The following PVT1 variants were observed in gnomAD, a reference collection of about 807,000 sequenced individuals.
The protein encoded by PVT1 is Pvt1 oncogene.
intron 4 of PVT1, among the ~76,000 whole-genome samples, chr8:127,997,044 G>GGTTTTT (rs1554603119): frequency 3.7e-5 from 3 of 81,594 alleles, no homozygotes; most frequent in African/African-American, 1.0e-4. Flanking sequence ...ATTTGCTTTC[G>GGTTTTT]TTTTTTTTTT....
At chr8:127,994,103 T>G (rs1231754601) in intron 4 of PVT1, among the ~76,000 whole-genome samples, 1 of 152,206 alleles carries the variant, frequency 6.6e-6, no homozygotes, top group Non-Finnish European at 1.5e-5. Context: ...GCACATTCTC[T>G]GTACTCTCTT....
intron 3 of PVT1, among the ~76,000 whole-genome samples, chr8:127,918,315 G>A (rs985100032): frequency 1.3e-5 from 2 of 152,206 alleles, no homozygotes; most frequent in African/African-American, 4.8e-5. Context: ...GCACAGCCAG[G>A]GAAAGAGTGT....
At chr8:127,852,760 T>C (rs28620489) in intron 2 of PVT1, among the ~76,000 whole-genome samples, 12,038 of 152,114 alleles carry the variant, frequency 0.079, 1,452 homozygotes, top group African/African-American at 0.26. Context: ...CTCCTCCCTC[T>C]CCATCCACAC....
intron 2 of PVT1, among the ~76,000 whole-genome samples, chr8:127,839,844 G>A (rs917831773): frequency 6.6e-6 from 1 of 152,184 alleles, no homozygotes; most frequent in Admixed American, 6.5e-5. Flanking sequence ...ATTGGCTGCA[G>A]TGTGGGGTAC....
chr8:127,845,802 G>A (rs1224316410), intron 2 of PVT1, among the ~76,000 whole-genome samples: 1 of 152,184 alleles, frequency 6.6e-6, no homozygotes, highest in Admixed American at 6.5e-5. Flanking sequence ...CCCATCCACA[G>A]CCTCCAGGCC....
intron 2 of PVT1, among the ~76,000 whole-genome samples, chr8:127,856,498 C>T (rs541429456): frequency 5.9e-5 from 9 of 152,140 alleles, no homozygotes; most frequent in African/African-American, 1.7e-4. Context: ...CCTGCCACCA[C>T]GCCCAGCTAA....
At chr8:127,852,346 G>T (rs532791504) in intron 2 of PVT1, 36 of 152,384 alleles carry the variant, frequency 2.4e-4, no homozygotes, top group African/African-American at 8.7e-4. Context: ...TCCTTGTCAT[G>T]AGTAAGCTTA....
intron 2 of PVT1, among the ~76,000 whole-genome samples, chr8:127,838,740 A>G (rs1176759223): frequency 6.6e-6 from 1 of 152,152 alleles, no homozygotes; most frequent in African/African-American, 2.4e-5. Context: ...GCTTCTATTT[A>G]TTGTTTACTA....
rs36101639 is a variant in PVT1, at chr8:127,817,528, A to AATATATATATATATATATATATAT, written n.372+21476_372+21477insTATATATATATATATATATATATA. On this transcript the variant is annotated intron_variant and non_coding_transcript_variant, in intron 2 of 10. Coordinates refer to ENST00000651587, the Ensembl canonical transcript of PVT1. ...ATATTTAAATAGATATATCTATTTAAATATATATATATATATATACACACA... is the reference window on the plus strand; with the variant it reads ...ATATTTAAATAGATATATCTATTTAAATATATATATATATATATATATATATATATATATATATATATACACACA... Among the ~76,000 whole-genome samples, 70 of 68,676 alleles carry AATATATATATATATATATATATAT rather than the reference A, an allele frequency of 1.0e-3. 1 individual carries two copies. Among genetic ancestry groups the AATATATATATATATATATATATAT allele is most frequent in the South Asian group, 4.7e-3 (9 of 1,922 alleles). The allele number at this position is 68,676 out of a possible 152,430, so 45.1% of individuals were successfully genotyped here.
intron 4 of PVT1, among the ~76,000 whole-genome samples, chr8:128,025,371 A>G (rs1817481289): frequency 6.6e-6 from 1 of 152,092 alleles, no homozygotes; most frequent in African/African-American, 2.4e-5. Context: ...TAATCCCACC[A>G]TCACCTGATG....
At chr8:127,838,021 C>T (rs1814928596) in intron 2 of PVT1, among the ~76,000 whole-genome samples, 1 of 151,890 alleles carries the variant, frequency 6.6e-6, no homozygotes, top group African/African-American at 2.4e-5. Context: ...CCTCAGCCTC[C>T]TGAATAGCTG....
At chr8:128,051,885 A>G (rs940057546) in intron 4 of PVT1, among the ~76,000 whole-genome samples, 3 of 152,160 alleles carry the variant, frequency 2.0e-5, no homozygotes, top group Admixed American at 6.5e-5. Context: ...GAGTTTCTTC[A>G]AGACAATTAT....
intron 3 of PVT1, among the ~76,000 whole-genome samples, chr8:127,937,592 G>C (rs1025825775): frequency 2.8e-5 from 4 of 144,758 alleles, no homozygotes; most frequent in Non-Finnish European, 3.0e-5. Context: ...GAGAGAGAGA[G>C]AGAGAGAGAG....
In PVT1 at chr8:127,915,933, C is replaced by A. The variant is rs143917255; in HGVS notation, n.782+24935C>A. Among the ~76,000 whole-genome samples, 59 of 152,374 alleles carry A rather than the reference C, an allele frequency of 3.9e-4. No homozygotes were observed. In the East Asian group the frequency reaches 9.2e-3, roughly 24 times the overall value. ...GACCCTGAAGAGCCCAGATCTATGT[C>A]TTTTCATGCAACCTTGCCCTGTGCT... On this transcript the variant is annotated intron_variant and non_coding_transcript_variant, in intron 3 of 10. Coordinates refer to ENST00000651587, the Ensembl canonical transcript of PVT1.
At chr8:127,867,434 G>C (rs1002844311) in intron 2 of PVT1, among the ~76,000 whole-genome samples, 1 of 152,196 alleles carries the variant, frequency 6.6e-6, no homozygotes, top group Non-Finnish European at 1.5e-5. Context: ...CACATTCCTC[G>C]GCAGTATCCC....
At chr8:128,017,712 T>A (rs996369292) in intron 4 of PVT1, among the ~76,000 whole-genome samples, 2 of 152,102 alleles carry the variant, frequency 1.3e-5, no homozygotes, top group African/African-American at 4.8e-5. Context: ...GCTGGAATTA[T>A]AGGCGTGAGC....
intron 4 of PVT1, among the ~76,000 whole-genome samples, chr8:128,041,263 T>C (rs1241127139): frequency 6.7e-6 from 1 of 149,590 alleles, no homozygotes; most frequent in Non-Finnish European, 1.5e-5. Flanking sequence ...TTTGTGCATG[T>C]GTGTGCATCT....
At chr8:127,981,564 A>G (rs535449272) in intron 3 of PVT1, among the ~76,000 whole-genome samples, 45 of 152,326 alleles carry the variant, frequency 3.0e-4, no homozygotes, top group Non-Finnish European at 6.2e-4. Flanking sequence ...AGAGAAATGA[A>G]AACTATTTAC....
At chr8:127,970,950 G>T (rs1816758645) in intron 3 of PVT1, among the ~76,000 whole-genome samples, 1 of 152,156 alleles carries the variant, frequency 6.6e-6, no homozygotes, top group Admixed American at 6.5e-5. Context: ...CAGGCTATCA[G>T]TTTTTGTAAA....
Sources: allele counts gnomAD v4.1 joint callset (sites outside exome capture counted in the v4.1 genomes callset), GRCh38; gene constraint gnomAD v4.1.1; transcripts MANE v1.5; gene names NCBI Gene and HGNC (gene_info 2026-07-23, HGNC 2026-07-21).